BPIFB3: variants seen among roughly 807,000 people sequenced by gnomAD.
BPIFB3 encodes the protein BPI fold containing family B member 3.
Under a neutral mutation model 53.1 loss-of-function variants are expected in BPIFB3, and 49 were observed. The observed-to-expected ratio is 0.92, with a 90% CI of 0.73 to 1.17. The LOEUF is 1.17. Among genes scored for constraint, BPIFB3 ranks in the 50% most tolerant of loss-of-function variants. The pLI is 0.00. For synonymous variants in BPIFB3, 271 were observed against 269.6 expected, an observed-to-expected ratio of 1.01 and a Z score of -0.05; for missense variants, 628 against 592.5, an observed-to-expected ratio of 1.06 and a Z score of -0.62.
chr20:33,065,521 AAAG>A (rs1280836562), intron 8 of BPIFB3, among the ~76,000 whole-genome samples: 1 of 151,170 alleles, frequency 6.6e-6, no homozygotes, highest in African/African-American at 2.4e-5. Context: ...AGAAAAAGAG[AAAG>A]AAGGAAGGAA....
chr20:33,067,792 G>A (rs141276793), intron 9 of BPIFB3, among the ~76,000 whole-genome samples: 4 of 152,304 alleles, frequency 2.6e-5, no homozygotes, highest in Admixed American at 2.0e-4. Flanking sequence ...GAATCCTTTG[G>A]TCTCCATTTG....
At chr20:33,071,972 G>A in intron 12 of BPIFB3, 132 bp from the exon 14 acceptor site, 1 of 849,752 alleles carries the variant, frequency 1.2e-6, no homozygotes, top group Non-Finnish European at 2.0e-6. Context: ...CCTGCCAGGA[G>A]CTGTGTCCTC....
In BPIFB3 at chr20:33,065,202, A is replaced by T. The variant is rs868572054; in HGVS notation, c.924+357A>T. Among the ~76,000 whole-genome samples the T allele has an allele frequency of 2.6e-5, 4 of 152,264 alleles. No homozygotes were observed. The Middle Eastern group carries it at 0.014, about 518-fold the overall frequency. ...CTAGAGTCTAAGCACTAAAGTGTGA[A>T]CCACTAAAATTTCCACTGCTTTCTC... On this transcript the variant is annotated intron_variant, in intron 8 of 14. Coordinates refer to ENST00000375494, the Ensembl canonical transcript of BPIFB3.
exon 3 of BPIFB3, chr20:33,059,465 G>T (rs1181788723): frequency 4.3e-6 from 7 of 1,611,514 alleles, no homozygotes; most frequent in Non-Finnish European, 5.9e-6. Context: ...ACACCAAAGT[G>T]GGCATGCATT....
At chr20:33,071,326 A>T in intron 12 of BPIFB3, 31 bp downstream of exon 13, 1 of 1,552,666 alleles carries the variant, frequency 6.4e-7, no homozygotes, top group Non-Finnish European at 8.7e-7. Context: ...GGGGCTTGGC[A>T]GTGATGAGAG....
chr20:33,067,570 C>T (rs538532318), intron 9 of BPIFB3, among the ~76,000 whole-genome samples: 1 of 152,150 alleles, frequency 6.6e-6, no homozygotes, highest in African/African-American at 2.4e-5. Context: ...TGAATGAGGT[C>T]GGGGCCTCAG....
At chr20:33,072,925 G>A (rs1405803921) in intron 14 of BPIFB3, 132 bp downstream of exon 15, 1 of 796,976 alleles carries the variant, frequency 1.3e-6, no homozygotes, top group East Asian at 2.6e-5. Flanking sequence ...AAATTTCTCA[G>A]TGAGTTACAA....
chr20:33,061,922 G>A, intron 5 of BPIFB3, 91 bp downstream of exon 6: 2 of 1,477,330 alleles, frequency 1.4e-6, no homozygotes, highest in Non-Finnish European at 1.9e-6. Context: ...CGCCAGGCAG[G>A]ATTAGGCTGT....
exon 15 of BPIFB3, chr20:33,073,614 C>CA: frequency 6.2e-7 from 1 of 1,614,002 alleles, no homozygotes; most frequent in Non-Finnish European, 8.5e-7. Context: ...GAGGCTGAGA[C>CA]ATGGCCACCA....
In BPIFB3 at chr20:33,072,084, C is replaced by T. The variant is rs758378502; in HGVS notation, c.1261-20C>T. 15 of 1,613,858 alleles carry T rather than the reference C, an allele frequency of 9.3e-6. No homozygotes were observed. The highest frequency in any genetic ancestry group is 3.3e-5 in the Admixed American group (2 of 60,010). On this transcript the variant is annotated intron_variant, in intron 12 of 14. Coordinates refer to ENST00000375494, the Ensembl canonical transcript of BPIFB3. ...ACACCCCAGAGCACCACCCCCACCACCCTGTGTGTTCTGTTGCAGGGATCG... is the reference window on the plus strand; with the variant it reads ...ACACCCCAGAGCACCACCCCCACCATCCTGTGTGTTCTGTTGCAGGGATCG...
intron 5 of BPIFB3, 84 bp downstream of exon 6, chr20:33,061,915 C>T: frequency 6.6e-7 from 1 of 1,512,278 alleles, no homozygotes; most frequent in Non-Finnish European, 9.2e-7. Context: ...AGTTTGGCGC[C>T]AGGCAGGATT....
At chr20:33,056,753 T>C in intron 2 of BPIFB3, 55 bp downstream of exon 3, 1 of 1,506,102 alleles carries the variant, frequency 6.6e-7, no homozygotes, top group Non-Finnish European at 8.8e-7. Context: ...CTTCCAGGAA[T>C]TGAGGAGAGA....
chr20:33,056,817 G>T lies in BPIFB3; in HGVS notation c.281+119G>T, dbSNP rs73904445. ...AGTGAAGGTTGTGTGGGAGGGTTGT[G>T]ATCCGGGTCTAAAAATGATGACTCT... On this transcript the variant is annotated intron_variant, in intron 2 of 14. Transcript: ENST00000375494. 2.8e-4 allele frequency: 349 copies of T among 1,262,478 alleles called. 1 individual carries two copies. In the African/African-American group the frequency reaches 5.0e-3, roughly 18 times the overall value. The allele number at this position is 1,262,478 out of a possible 1,614,324, so 78.2% of individuals were successfully genotyped here.
chr20:33,055,798 G>A (rs1390465961), intron 1 of BPIFB3, among the ~76,000 whole-genome samples: 1 of 152,178 alleles, frequency 6.6e-6, no homozygotes, highest in Non-Finnish European at 1.5e-5. Context: ...ACTGTGTGTG[G>A]CTCAGGGACA....
chr20:33,067,287 G>A (rs1209940624), intron 9 of BPIFB3, among the ~76,000 whole-genome samples: 1 of 152,228 alleles, frequency 6.6e-6, no homozygotes, highest in African/African-American at 2.4e-5. Flanking sequence ...CTCACTAGTG[G>A]ACATAAGTAC....
upstream of BPIFB3, chr20:33,055,297 G>A: frequency 1.2e-5 from 17 of 1,405,706 alleles, no homozygotes; most frequent in Non-Finnish European, 1.6e-5. Context: ...AGGCTTTCCT[G>A]GGAGTGAAGC....
intron 1 of BPIFB3, among the ~76,000 whole-genome samples, 183 bp downstream of exon 2, chr20:33,055,730 C>T (rs985746190): frequency 1.3e-5 from 2 of 152,106 alleles, no homozygotes; most frequent in Admixed American, 6.5e-5. Context: ...CTTGAATGGG[C>T]GATGAATTCC....
upstream of BPIFB3, among the ~76,000 whole-genome samples, chr20:33,053,926 G>C (rs932903139): frequency 4.6e-5 from 7 of 152,158 alleles, no homozygotes; most frequent in Admixed American, 3.3e-4. Context: ...CAGGAGGCCG[G>C]GAGCCCCCAC....
Position 33,068,989 on chromosome 20 carries a change from G to T in BPIFB3, c.1149+16G>T. ...GCTGAACTCCGTGAGTGGTCAAGGG[G>T]TGGCTGGGGGCCCGGCATTGGGGTT... On this transcript the variant is annotated intron_variant, in intron 10 of 14. Coordinates refer to ENST00000375494, the Ensembl canonical transcript of BPIFB3. 1.2e-6 allele frequency: 2 copies of T among 1,606,642 alleles called. No homozygotes were observed. The highest frequency in any genetic ancestry group is 1.7e-6 in the Non-Finnish European group (2 of 1,174,494).
Sources: gnomAD v4.1 joint callset for allele counts (sites outside exome capture counted in the v4.1 genomes callset) on GRCh38, gnomAD v4.1.1 for gene constraint, MANE v1.5 for transcripts, NCBI Gene and HGNC (gene_info 2026-07-23, HGNC 2026-07-21) for gene names.